Variants in PPP2R1B observed in about 807,000 individuals in gnomAD.
PPP2R1B encodes the protein serine/threonine-protein phosphatase 2A 65 kDa regulatory subunit A beta isoform.
PPP2R1B carries 58 observed loss-of-function variants against 72.7 expected under a neutral mutation model. The observed-to-expected ratio is 0.80, with a 90% CI of 0.65 to 0.99. The LOEUF (loss-of-function observed/expected upper bound fraction) is 0.99, where lower values mean the gene tolerates loss of function less well. Among genes scored for constraint, PPP2R1B ranks in the 50% least tolerant of loss-of-function variants. The pLI, the probability that PPP2R1B is intolerant of heterozygous loss-of-function variation, is 0.00. For missense variants in PPP2R1B, 695 were observed against 733.6 expected (o/e 0.95, Z 0.61); for synonymous variants, 256 against 264.6 (o/e 0.97, Z 0.32).
chr11:111,724,427 C>T, downstream of PPP2R1B: 1 of 411,554 alleles, frequency 2.4e-6, no homozygotes, highest in South Asian at 3.3e-5. Context: ...CCTAAGAAGA[C>T]ATTCAGACCC....
chr11:111,742,505 T>C lies in PPP2R1B; in HGVS notation c.1697+18A>G, dbSNP rs756654706. On this transcript the variant is annotated intron_variant, in intron 13 of 14. Transcript: ENST00000527614. ...TTAAAGTACACTTTTAAAACAAGAC[T>C]AAACACTAAAATCTTACTTGGTATC... 1 of 1,608,810 alleles carries C rather than the reference T, an allele frequency of 6.2e-7. No individual in the cohort carries two copies. The highest frequency in any genetic ancestry group is 1.7e-5 in the Admixed American group (1 of 59,496).
chr11:111,701,693 G>A, the PPP2R1B span: 4 of 1,324,418 alleles, frequency 3.0e-6, no homozygotes, highest in East Asian at 2.4e-5. The surrounding 1 kb of genome is among the most constrained non-coding windows in gnomAD (Gnocchi z 4.2). Context: ...TGACTGAGCT[G>A]TAGGTTAAAA....
downstream of PPP2R1B, among the ~76,000 whole-genome samples, chr11:111,734,233 T>G (rs1442034888): frequency 3.3e-5 from 5 of 152,232 alleles, no homozygotes; most frequent in Admixed American, 6.5e-5. Flanking sequence ...AATGGCTGCT[T>G]CTTGCCTGTG....
chr11:111,723,684 A>G (rs1943872544), downstream of PPP2R1B: 1 of 1,613,852 alleles, frequency 6.2e-7, no homozygotes, highest in South Asian at 1.1e-5. Flanking sequence ...CCCGTCCTGG[A>G]GCCTTCCTCC....
chr11:111,690,015 G>T, the PPP2R1B span, among the ~76,000 whole-genome samples: 5 of 151,366 alleles, frequency 3.3e-5, 1 homozygote, highest in African/African-American at 1.2e-4. Context: ...ACATATACAC[G>T]TATATATAAA....
At chr11:111,712,968 C>T in the PPP2R1B span, among the ~76,000 whole-genome samples, 1 of 152,080 alleles carries the variant, frequency 6.6e-6, no homozygotes, top group Non-Finnish European at 1.5e-5. Flanking sequence ...AGTTCCAGAC[C>T]ACCTTGGGCA....
chr11:111,710,922 A>T, the PPP2R1B span, among the ~76,000 whole-genome samples: 2 of 152,220 alleles, frequency 1.3e-5, no homozygotes, highest in Non-Finnish European at 2.9e-5. Context: ...CCGGAAAAAT[A>T]CAGGCTGTCC....
chr11:111,734,987 A>G (rs1440068465), downstream of PPP2R1B, among the ~76,000 whole-genome samples: 1 of 152,218 alleles, frequency 6.6e-6, no homozygotes, highest in Non-Finnish European at 1.5e-5. Context: ...TGCTGATTAA[A>G]TCCAGAGAAG....
rs1052128288 is a variant in PPP2R1B, at chr11:111,752,209, T to G, written c.1288A>C (p.Arg430=). 3 of 1,613,996 alleles carry G rather than the reference T, an allele frequency of 1.9e-6. No homozygotes were observed. The highest frequency in any genetic ancestry group is 2.5e-6 in the Non-Finnish European group (3 of 1,179,966). ...TACTCAATGATGGCCAGGCGGACCCTCCATTTGGCATCTTCTGCCAGCTCC... is the reference window on the plus strand; with the variant it reads ...TACTCAATGATGGCCAGGCGGACCCGCCATTTGGCATCTTCTGCCAGCTCC... The part of the protein sequence containing the change: ...IVELAEDAKW[R]VRLAIIEYMP... The change falls in exon 10 of 15, where the codon AGG becomes CGG. Residue 430 remains arginine (R), a synonymous_variant. Transcript: ENST00000527614.
rs982074351 is a variant in PPP2R1B at position 111,739,384 on chromosome 11, T to C, written c.*2212A>G. ...TAGGAGAACTAATTCATGGAGAACA[T>C]GGCCAAGTTATGAGCCAAAGCACAA... On this transcript the variant is annotated 3_prime_UTR_variant, in exon 15 of 15. Transcript: ENST00000527614. The C allele has an allele frequency of 2.0e-6, 2 of 984,716 alleles. No homozygotes were observed. The highest frequency in any genetic ancestry group is 1.2e-4 in the Admixed American group (2 of 16,230). 61.0% of individuals were successfully genotyped at this position (984,716 alleles called of 1,614,324 possible). A position where few individuals can be genotyped will look rare whatever the true frequency, so the allele number is the denominator to read the frequency against.
the PPP2R1B span, among the ~76,000 whole-genome samples, chr11:111,701,923 A>T: frequency 2.0e-5 from 3 of 152,162 alleles, no homozygotes; most frequent in Non-Finnish European, 2.9e-5. This position sits in a 1 kb window ranked among gnomAD's most constrained non-coding sequence, Gnocchi z 4.2. Context: ...TAAAATTAAA[A>T]TTTTTTTAAT....
chr11:111,715,281 C>T, the PPP2R1B span, among the ~76,000 whole-genome samples: 999 of 152,234 alleles, frequency 6.6e-3, 10 homozygotes, highest in African/African-American at 0.022. Context: ...TCCCTAAGAC[C>T]TCTTTCTTGG....
chr11:111,695,910 A>G, the PPP2R1B span, among the ~76,000 whole-genome samples: 2 of 152,212 alleles, frequency 1.3e-5, no homozygotes, highest in Non-Finnish European at 1.5e-5. Flanking sequence ...TAATTTAGTG[A>G]TGACAGTGAT....
intron 14 of PPP2R1B, among the ~76,000 whole-genome samples, 159 bp from the exon 15 acceptor site, chr11:111,741,771 T>TCTGA (rs1414231868): frequency 6.6e-6 from 1 of 152,224 alleles, no homozygotes; most frequent in African/African-American, 2.4e-5. Flanking sequence ...AAGTGAAACT[T>TCTGA]TAAAAACTGG....
chr11:111,699,810 A>G, the PPP2R1B span, among the ~76,000 whole-genome samples: 2 of 152,160 alleles, frequency 1.3e-5, no homozygotes, highest in East Asian at 1.9e-4. Flanking sequence ...CACTTTACAG[A>G]TGGGGAAACT....
chr11:111,709,964 T>G, the PPP2R1B span, among the ~76,000 whole-genome samples: 1 of 152,186 alleles, frequency 6.6e-6, no homozygotes, highest in Non-Finnish European at 1.5e-5. Context: ...TGTGTCGTAG[T>G]TAGGGCATGG....
the PPP2R1B span, among the ~76,000 whole-genome samples, chr11:111,696,095 G>A: frequency 1.2e-4 from 18 of 152,186 alleles, no homozygotes; most frequent in East Asian, 2.7e-3. Flanking sequence ...CATGAGAGTC[G>A]ATAACTGATC....
At chr11:111,753,401 C>A in intron 9 of PPP2R1B, 42 bp downstream of exon 9, 1 of 1,580,750 alleles carries the variant, frequency 6.3e-7, no homozygotes, top group Non-Finnish European at 8.6e-7. Flanking sequence ...CAAATAAAAT[C>A]AAATTACTAT....
intron 10 of PPP2R1B, among the ~76,000 whole-genome samples, chr11:111,750,843 G>GTT (rs11410952): frequency 0.023 from 3,336 of 145,566 alleles, 128 homozygotes; most frequent in African/African-American, 0.076. Context: ...TTTTTGTTTT[G>GTT]TTTTTTTTTT....
Sources: allele counts gnomAD v4.1 joint callset (sites outside exome capture counted in the v4.1 genomes callset), GRCh38; gene constraint gnomAD v4.1.1; non-coding constraint Gnocchi (gnomAD v3.1); transcripts MANE v1.5; gene names NCBI Gene and HGNC (gene_info 2026-07-23, HGNC 2026-07-21).